The following FOXP1 variants were observed in gnomAD, a reference collection of about 807,000 sequenced individuals.
The protein encoded by FOXP1 is forkhead box P1, also known as forkhead box protein P1.
A neutral mutation model predicts 98.2 loss-of-function variants in FOXP1; 15 were observed. The observed-to-expected ratio is 0.15, with a 90% CI of 0.10 to 0.24. FOXP1 has a LOEUF of 0.24. Ranked by LOEUF, FOXP1 falls within the 10% of genes least tolerant of loss-of-function variation. The pLI is 1.00. For missense variants in FOXP1, 633 were observed against 848.5 expected (o/e 0.75, Z 3.15); for synonymous variants, 371 against 314.5 (o/e 1.18, Z -1.90).
intron 2 of FOXP1, among the ~76,000 whole-genome samples, chr3:71,570,012 G>A (rs912641604): frequency 6.6e-6 from 1 of 152,016 alleles, no homozygotes; most frequent in African/African-American, 2.4e-5. Context: ...TCCTGACCTC[G>A]TGATCCACCC....
At chr3:71,506,547 C>T (rs1437260363) in intron 2 of FOXP1, among the ~76,000 whole-genome samples, 1 of 152,206 alleles carries the variant, frequency 6.6e-6, no homozygotes, top group African/African-American at 2.4e-5. Flanking sequence ...TATCCTTCCC[C>T]CAGTACCAGG....
chr3:70,975,726 T>C (rs558930563), intron 17 of FOXP1, among the ~76,000 whole-genome samples: 2 of 152,242 alleles, frequency 1.3e-5, no homozygotes, highest in South Asian at 4.1e-4. Flanking sequence ...TTCCAGGTAG[T>C]AAAAAATGCA....
chr3:71,536,143 A>G (rs148811280), intron 2 of FOXP1, among the ~76,000 whole-genome samples: 11 of 152,268 alleles, frequency 7.2e-5, no homozygotes, highest in African/African-American at 2.6e-4. Flanking sequence ...CATGTCCTGA[A>G]GGATTCCAGT....
intron 3 of FOXP1, among the ~76,000 whole-genome samples, chr3:71,446,814 C>T (rs1265507015): frequency 2.6e-5 from 4 of 152,266 alleles, no homozygotes; most frequent in African/African-American, 7.2e-5. Context: ...TCTGGCTGCA[C>T]ATTCCTCAGC....
chr3:71,122,074 G>C (rs975450625), intron 6 of FOXP1, among the ~76,000 whole-genome samples: 1 of 152,174 alleles, frequency 6.6e-6, no homozygotes, highest in Non-Finnish European at 1.5e-5. Context: ...AATCTAACTA[G>C]AATTATGCTC....
chr3:71,459,629 T>A (rs1016223963), intron 3 of FOXP1, among the ~76,000 whole-genome samples: 8 of 152,226 alleles, frequency 5.3e-5, no homozygotes, highest in African/African-American at 1.4e-4. Flanking sequence ...TTTTTTAAAA[T>A]CCCTTCATCA....
At chr3:71,102,275 C>G (rs567752419) in intron 7 of FOXP1, among the ~76,000 whole-genome samples, 71 of 152,280 alleles carry the variant, frequency 4.7e-4, no homozygotes, top group African/African-American at 1.7e-3. Context: ...AAATCTGTTT[C>G]TAATATACAC....
intron 13 of FOXP1, among the ~76,000 whole-genome samples, chr3:70,988,833 T>A (rs1296820624): frequency 6.6e-6 from 1 of 152,180 alleles, no homozygotes; most frequent in East Asian, 1.9e-4. Context: ...TTCAAGACAG[T>A]TGGGCATAGG....
intron 19 of FOXP1, chr3:70,970,247 T>C (rs894485973): frequency 2.8e-5 from 5 of 177,234 alleles, no homozygotes; most frequent in Admixed American, 1.1e-4. Flanking sequence ...GGTTTACTTT[T>C]ACAAAGTGAA....
At chr3:71,212,532 A>G (rs2064561794) in intron 5 of FOXP1, among the ~76,000 whole-genome samples, 1 of 152,232 alleles carries the variant, frequency 6.6e-6, no homozygotes, top group Non-Finnish European at 1.5e-5. Flanking sequence ...CAGTAGCTCC[A>G]ACAATGAGCC....
At chr3:70,975,358 A>G (rs902945109) in intron 17 of FOXP1, among the ~76,000 whole-genome samples, 9 of 152,136 alleles carry the variant, frequency 5.9e-5, no homozygotes, top group Non-Finnish European at 1.2e-4. Flanking sequence ...TTTTGAACAT[A>G]GGTTCCCTTC....
chr3:71,292,908 T>C (rs1423091814), intron 5 of FOXP1, among the ~76,000 whole-genome samples: 5 of 152,142 alleles, frequency 3.3e-5, no homozygotes, highest in Non-Finnish European at 5.9e-5. Context: ...CATTCACCAA[T>C]AGTGTTTTTA....
intron 6 of FOXP1, among the ~76,000 whole-genome samples, chr3:71,174,825 CA>C (rs1560064214): frequency 1.8e-4 from 27 of 151,168 alleles, no homozygotes; most frequent in South Asian, 6.5e-4. Flanking sequence ...CACACACACA[CA>C]CCCCAATATA....
chr3:71,464,376 C>T (rs1331792207), intron 3 of FOXP1, among the ~76,000 whole-genome samples: 4 of 152,230 alleles, frequency 2.6e-5, no homozygotes, highest in South Asian at 2.1e-4. Context: ...GCGGGGCTCT[C>T]GGCTCACTGC....
At chr3:71,546,624 A>G (rs2107645473) in intron 2 of FOXP1, among the ~76,000 whole-genome samples, 1 of 152,170 alleles carries the variant, frequency 6.6e-6, no homozygotes, top group East Asian at 1.9e-4. Flanking sequence ...ATACCCAACC[A>G]CCGAGATGCT....
chr3:71,346,809 GC>G (rs2077392620), intron 4 of FOXP1, among the ~76,000 whole-genome samples: 2 of 152,196 alleles, frequency 1.3e-5, no homozygotes, highest in South Asian at 4.2e-4. Flanking sequence ...AATTAATGAG[GC>G]CGAGGCGGGT....
At chr3:71,097,979 T>G (rs1434894578) in intron 7 of FOXP1, among the ~76,000 whole-genome samples, 1 of 152,216 alleles carries the variant, frequency 6.6e-6, no homozygotes, top group East Asian at 1.9e-4. Context: ...AGGATGTAGA[T>G]TTTCCAATTA....
At chr3:70,983,395 G>A (rs1356756995) in intron 14 of FOXP1, among the ~76,000 whole-genome samples, 3 of 152,070 alleles carry the variant, frequency 2.0e-5, no homozygotes, top group Non-Finnish European at 4.4e-5. Flanking sequence ...CTAAAGCAAG[G>A]ACCCAGGCAG....
intron 3 of FOXP1, among the ~76,000 whole-genome samples, chr3:71,419,399 A>T (rs2083461484): frequency 6.6e-6 from 1 of 152,126 alleles, no homozygotes; most frequent in African/African-American, 2.4e-5. Flanking sequence ...GAAAAACAAT[A>T]TTCCCAATAA....
Sources: gnomAD v4.1 joint callset for allele counts (sites outside exome capture counted in the v4.1 genomes callset) on GRCh38, gnomAD v4.1.1 for gene constraint, MANE v1.5 for transcripts, NCBI Gene and HGNC (gene_info 2026-07-23, HGNC 2026-07-21) for gene names.